Variants in AFF3 observed in about 807,000 individuals in gnomAD.
AFF3 encodes ALF transcription elongation factor 3.
A neutral mutation model predicts 129.7 loss-of-function variants in AFF3; 32 were observed. The observed-to-expected ratio is 0.25, with a 90% CI of 0.19 to 0.33. The LOEUF is 0.33. Among genes scored for constraint, AFF3 ranks in the 10% least tolerant of loss-of-function variants. The pLI is 1.00. For synonymous variants in AFF3, 644 were observed against 635.4 expected (o/e 1.01, Z -0.20); for missense variants, 1,373 against 1,592.0 (o/e 0.86, Z 2.34).
intron 13 of AFF3, among the ~76,000 whole-genome samples, chr2:99,631,798 ATGC>A (rs1314516775): frequency 6.6e-6 from 1 of 152,168 alleles, no homozygotes; most frequent in Non-Finnish European, 1.5e-5. Flanking sequence ...ATTGTGAATA[ATGC>A]TGCTGTGGAC....
chr2:99,940,138 A>C (rs947414590), intron 7 of AFF3, among the ~76,000 whole-genome samples: 1 of 152,162 alleles, frequency 6.6e-6, no homozygotes, highest in Non-Finnish European at 1.5e-5. Context: ...GGGTTTCCAG[A>C]CATGTGTGTG....
chr2:99,937,897 T>C (rs1283883822), intron 7 of AFF3, among the ~76,000 whole-genome samples: 1 of 152,152 alleles, frequency 6.6e-6, no homozygotes, highest in African/African-American at 2.4e-5. Context: ...AAGTAACCAG[T>C]CGTTGATGTA....
chr2:99,756,461 G>A (rs371898563), intron 8 of AFF3, among the ~76,000 whole-genome samples: 107 of 152,322 alleles, frequency 7.0e-4, no homozygotes, highest in Middle Eastern at 6.8e-3. Context: ...AGACCTGTGG[G>A]TGTTCATGCC....
At chr2:100,007,570 G>T in intron 5 of AFF3, 110 bp from the exon 6 acceptor site, 1 of 964,106 alleles carries the variant, frequency 1.0e-6, no homozygotes, top group South Asian at 1.6e-5. Flanking sequence ...CATGCAGAAT[G>T]AGAGCTGAGA....
At chr2:99,892,623 G>T (rs947180769) in intron 7 of AFF3, among the ~76,000 whole-genome samples, 1 of 152,294 alleles carries the variant, frequency 6.6e-6, no homozygotes, top group Non-Finnish European at 1.5e-5. Context: ...GCATCAACCT[G>T]CTCTCAAATT....
chr2:99,850,695 T>C (rs944154711), intron 7 of AFF3, among the ~76,000 whole-genome samples: 1 of 152,230 alleles, frequency 6.6e-6, no homozygotes, highest in Non-Finnish European at 1.5e-5. Flanking sequence ...TCCAACAATT[T>C]TATTAATAAA....
At chr2:99,688,011 T>A (rs1675238658) in intron 11 of AFF3, among the ~76,000 whole-genome samples, 1 of 151,960 alleles carries the variant, frequency 6.6e-6, no homozygotes, top group Non-Finnish European at 1.5e-5. Flanking sequence ...CCCGGCTAAT[T>A]TTTTGTATTT....
At chr2:100,023,971 G>A (rs890077307) in intron 4 of AFF3, among the ~76,000 whole-genome samples, 2 of 152,110 alleles carry the variant, frequency 1.3e-5, no homozygotes, top group African/African-American at 4.8e-5. Flanking sequence ...GGTGGCTCAT[G>A]CCTGTAATCC....
rs762871316 is a variant in AFF3 at position 99,817,220 on chromosome 2, C to T, written c.921+20257G>A. On this transcript the variant is annotated intron_variant, in intron 8 of 24. Coordinates refer to ENST00000672756, the MANE Select transcript of AFF3 (RefSeq NM_001386135.1). ...CCCTTGGGGCACCTGGCAGAGGAGA[C>T]GCCTACAACAAAGTACAAACCTCCC... Among the ~76,000 whole-genome samples, 8 of 152,160 alleles carry T rather than the reference C, an allele frequency of 5.3e-5. 1 individual carries two copies. The highest frequency in any genetic ancestry group is 1.0e-4 in the Non-Finnish European group (7 of 68,030).
At chr2:99,844,766 C>T (rs1182412051) in intron 7 of AFF3, among the ~76,000 whole-genome samples, 1 of 152,004 alleles carries the variant, frequency 6.6e-6, no homozygotes, top group Non-Finnish European at 1.5e-5. Context: ...TGTATTAAAA[C>T]ATTTTACACT....
At chr2:99,923,319 T>C (rs1348917422) in intron 7 of AFF3, among the ~76,000 whole-genome samples, 1 of 152,256 alleles carries the variant, frequency 6.6e-6, no homozygotes, top group African/African-American at 2.4e-5. Flanking sequence ...TGATAAGGTC[T>C]GAATCACATT....
intron 2 of AFF3, among the ~76,000 whole-genome samples, chr2:100,111,307 TG>T (rs1234461398): frequency 6.6e-6 from 1 of 152,198 alleles, no homozygotes; most frequent in Non-Finnish European, 1.5e-5. Context: ...TATGCCCCAA[TG>T]GGGGCAGCAC....
chr2:99,590,029 A>C (rs1376727202), intron 15 of AFF3, among the ~76,000 whole-genome samples: 1 of 152,214 alleles, frequency 6.6e-6, no homozygotes, highest in South Asian at 2.1e-4. Context: ...ATATGTGTGC[A>C]GCCCACCAGT....
In AFF3 at chr2:99,754,316, C is replaced by A. The variant is rs187007371; in HGVS notation, c.922-2015G>T. ...CTGAGTCCATCCCACTGCTAATCAG[C>A]CACTCAATAGCTTCCTTTGCAATCA... On this transcript the variant is annotated intron_variant, in intron 8 of 24. Transcript: ENST00000672756. Among the ~76,000 whole-genome samples the A allele has an allele frequency of 2.0e-4, 30 of 152,334 alleles. 1 individual carries two copies. The highest frequency in any genetic ancestry group is 1.7e-3 in the South Asian group (8 of 4,832).
chr2:99,758,489 G>A (rs1414263816), intron 8 of AFF3, among the ~76,000 whole-genome samples: 1 of 151,348 alleles, frequency 6.6e-6, no homozygotes, highest in African/African-American at 2.4e-5. Context: ...GGGCAGCTGA[G>A]GCACAAGAAT....
intron 11 of AFF3, among the ~76,000 whole-genome samples, chr2:99,694,093 T>C (rs368402056): frequency 4.7e-4 from 72 of 152,176 alleles, no homozygotes; most frequent in African/African-American, 1.7e-3. Flanking sequence ...AATTTTTGTA[T>C]TTTTAGTAGT....
intron 4 of AFF3, among the ~76,000 whole-genome samples, chr2:100,053,937 A>T (rs538608075): frequency 6.6e-4 from 100 of 152,334 alleles, no homozygotes; most frequent in African/African-American, 2.2e-3. Flanking sequence ...CCTCCTCTGT[A>T]TCTAGGCAAT....
intron 16 of AFF3, among the ~76,000 whole-genome samples, chr2:99,584,417 C>T (rs540175850): frequency 2.0e-4 from 31 of 152,172 alleles, no homozygotes; most frequent in Admixed American, 1.0e-3. Context: ...TGCAGTGAGG[C>T]GAGATTGCGC....
chr2:99,578,251 G>A, intron 18 of AFF3, 76 bp downstream of exon 18: 27 of 1,476,198 alleles, frequency 1.8e-5, no homozygotes, highest in Non-Finnish European at 2.4e-5. Context: ...CCACACCAAG[G>A]TGCCCATGCC....
Sources: gnomAD v4.1 joint callset for allele counts (sites outside exome capture counted in the v4.1 genomes callset) on GRCh38, gnomAD v4.1.1 for gene constraint, MANE v1.5 for transcripts, NCBI Gene and HGNC (gene_info 2026-07-23, HGNC 2026-07-21) for gene names.